Variants in CDH2 observed in about 807,000 individuals in gnomAD.
CDH2 encodes the protein cadherin 2.
In CDH2, 17 loss-of-function variants were observed where a neutral mutation model predicts 92.0. The ratio of observed to expected loss-of-function variants is 0.18; its 90% CI spans 0.13 to 0.28. The LOEUF is 0.28. Ranked by LOEUF, CDH2 falls within the 10% of genes least tolerant of loss-of-function variation. The pLI, the probability that CDH2 is intolerant of heterozygous loss-of-function variation, is 1.00. For synonymous variants in CDH2, 419 were observed against 415.9 expected (o/e 1.01, Z -0.09); for missense variants, 862 against 1,133.1 (o/e 0.76, Z 3.44).
chr18:27,980,898 A>C (rs1430669805), intron 14 of CDH2, among the ~76,000 whole-genome samples: 4 of 152,182 alleles, frequency 2.6e-5, no homozygotes, highest in African/African-American at 4.8e-5. Flanking sequence ...CAAATCTTAC[A>C]ATAGATGAGT....
At chr18:28,167,803 C>G (rs2016408343) in intron 1 of CDH2, among the ~76,000 whole-genome samples, 1 of 151,976 alleles carries the variant, frequency 6.6e-6, no homozygotes, top group Non-Finnish European at 1.5e-5. Flanking sequence ...TTTGAGTTCC[C>G]TAAAATATCA....
intron 1 of CDH2, among the ~76,000 whole-genome samples, chr18:28,176,390 G>A (rs55849882): frequency 0.03 from 4,614 of 152,124 alleles, 241 homozygotes; most frequent in African/African-American, 0.11. Context: ...TATTGTGAGG[G>A]CAAGAGAAGA....
rs775477675 is a variant in CDH2, at chr18:27,990,225, G to A, written c.1470C>T (p.Asp490=). The part of the protein sequence containing the change: ...STATVSVTVI[D]VNENPYFAPN... ...GGGCAAAATAAGGGTTTTCATTTAC[G>A]TCAATAACTGTAACAGACACGGTTG... The change falls in exon 10 of 16, where the codon GAC becomes GAT. Residue 490 remains aspartate, a synonymous_variant. Coordinates refer to ENST00000269141, the MANE Select transcript of CDH2 (RefSeq NM_001792.5). 8 of 1,613,942 alleles carry A rather than the reference G, an allele frequency of 5.0e-6. No individual in the cohort carries two copies. The highest frequency in any genetic ancestry group is 4.4e-5 in the South Asian group (4 of 91,072).
At position 28,177,086 on chromosome 18, in the gene CDH2, G is replaced by A. The variant is rs1041863592; in HGVS notation, c.-64C>T. ...GGCGGCGGCGGCGGCGGCGGCGGAG[G>A]AGGAGGAGGCAGCGGCAGCACCAAC... On this transcript the variant is annotated 5_prime_UTR_variant, in exon 1 of 16. Coordinates refer to ENST00000269141, the MANE Select transcript of CDH2 (RefSeq NM_001792.5). 2.7e-5 allele frequency: 35 copies of A among 1,290,982 alleles called. No homozygotes were observed. The highest frequency in any genetic ancestry group is 1.1e-4 in the East Asian group (4 of 34,894). 80.0% of individuals were successfully genotyped at this position (1,290,982 alleles called of 1,614,324 possible).
rs767260786 is a variant in CDH2 at position 28,147,728 on chromosome 18, ATCT to A, written c.114_116del (p.Glu38del). 1 of 1,613,264 alleles carries A rather than the reference ATCT, an allele frequency of 6.2e-7. No individual in the cohort carries two copies. Among genetic ancestry groups the A allele is most frequent in the Non-Finnish European group, 8.5e-7 (1 of 1,179,586 alleles). On this transcript the variant is annotated inframe_deletion, in exon 2 of 16. Transcript: ENST00000269141. Reference sequence around the variant, plus strand: ...CCTTCGATAAGACTGCACTGTAAACATCTTCAGGAAATCCAGTCTTGCATAATG... The same window carrying A: ...CCTTCGATAAGACTGCACTGTAAACATCAGGAAATCCAGTCTTGCATAATG...
chr18:28,009,661 T>C, intron 5 of CDH2, 56 bp downstream of exon 5: 1 of 1,530,492 alleles, frequency 6.5e-7, no homozygotes, highest in Non-Finnish European at 8.9e-7. Flanking sequence ...AATGGTAAAC[T>C]CTGCAGACAT....
chr18:28,129,884 CTTA>C, intron 2 of CDH2, among the ~76,000 whole-genome samples: 1 of 152,094 alleles, frequency 6.6e-6, no homozygotes, highest in East Asian at 1.9e-4. Flanking sequence ...ATAGATCTTT[CTTA>C]TTATTCATTT....
chr18:28,043,495 A>ATATCTATATATAT (rs1567976503), intron 2 of CDH2, among the ~76,000 whole-genome samples: 1 of 87,404 alleles, frequency 1.1e-5, no homozygotes, highest in Non-Finnish European at 2.3e-5. Flanking sequence ...TATATATATA[A>ATATCTATATATAT]ATATATATAT....
At chr18:28,157,189 C>T (rs1025497368) in intron 1 of CDH2, among the ~76,000 whole-genome samples, 3 of 152,150 alleles carry the variant, frequency 2.0e-5, no homozygotes, top group East Asian at 1.9e-4. Context: ...CCAATCATGG[C>T]TCAGATTGAT....
chr18:28,023,553 G>C (rs1441046141), intron 2 of CDH2, among the ~76,000 whole-genome samples: 2 of 152,036 alleles, frequency 1.3e-5, no homozygotes, highest in Non-Finnish European at 2.9e-5. Context: ...TCAAACTCCT[G>C]GGATCAAGTG....
intron 5 of CDH2, among the ~76,000 whole-genome samples, chr18:28,006,564 A>AAAAAAAC (rs1404762121): frequency 7.0e-6 from 1 of 142,876 alleles, no homozygotes; most frequent in East Asian, 2.0e-4. Flanking sequence ...CTAAAAATAC[A>AAAAAAAC]AAAAAAAAAA....
At chr18:28,090,655 G>A (rs568665431) in intron 2 of CDH2, among the ~76,000 whole-genome samples, 1 of 152,280 alleles carries the variant, frequency 6.6e-6, no homozygotes, top group South Asian at 2.1e-4. Flanking sequence ...CAGCAAACTG[G>A]TGGCAATGCT....
At chr18:28,075,946 G>A (rs1262658563) in intron 2 of CDH2, among the ~76,000 whole-genome samples, 1 of 152,176 alleles carries the variant, frequency 6.6e-6, no homozygotes, top group South Asian at 2.1e-4. Flanking sequence ...GGGTAAGTAA[G>A]AATTGAACAC....
intron 2 of CDH2, among the ~76,000 whole-genome samples, chr18:28,066,062 T>G (rs11564329): frequency 0.17 from 25,175 of 152,078 alleles, 2,371 homozygotes; most frequent in East Asian, 0.3. Flanking sequence ...ATTCAAGAGC[T>G]GGCCACATTC....
At position 28,088,752 on chromosome 18, in the gene CDH2, G is replaced by A. The variant is rs2014983299; in HGVS notation, c.172+58921C>T. On this transcript the variant is annotated intron_variant, in intron 2 of 15. Coordinates refer to ENST00000269141, the MANE Select transcript of CDH2 (RefSeq NM_001792.5). ...TCCCTGACAGCCACCTTCCCAGCAA[G>A]TCAAGTGTTGCTAAACTGGGGGCCT... Among the ~76,000 whole-genome samples the A allele has an allele frequency of 2.0e-5, 3 of 152,156 alleles. No individual in the cohort carries two copies. In the South Asian group the frequency reaches 6.2e-4, roughly 32 times the overall value.
chr18:27,958,621 G>A (rs1320723576), intron 15 of CDH2, among the ~76,000 whole-genome samples: 1 of 151,098 alleles, frequency 6.6e-6, no homozygotes, highest in African/African-American at 2.4e-5. Context: ...ATGTATATAT[G>A]TGTATATGTG....
At position 28,043,495 on chromosome 18, in the gene CDH2, A is replaced by ATATATATATAT. The variant is rs1567976503; in HGVS notation, c.173-29587_173-29586insATATATATATA. 3.2e-4 allele frequency among the ~76,000 whole-genome samples: 28 copies of ATATATATATAT among 87,344 alleles called. 1 individual carries two copies. The highest frequency in any genetic ancestry group is 4.8e-4 in the African/African-American group (10 of 20,688). The allele number at this position is 87,344 out of a possible 152,430, so 57.3% of individuals were successfully genotyped here. ...ATATATATATATATATATATATATA[A>ATATATATATAT]ATATATATATATATATATATAAACA... On this transcript the variant is annotated intron_variant, in intron 2 of 15. Transcript: ENST00000269141.
intron 2 of CDH2, among the ~76,000 whole-genome samples, chr18:28,057,217 C>T (rs574097929): frequency 7.4e-4 from 112 of 152,206 alleles, no homozygotes; most frequent in African/African-American, 2.5e-3. Context: ...GGTAAGAATT[C>T]TCAGAAATCT....
intron 4 of CDH2, 134 bp from the exon 5 acceptor site, chr18:28,010,006 C>T: frequency 1.8e-6 from 1 of 558,728 alleles, no homozygotes; most frequent in Non-Finnish European, 2.9e-6. Flanking sequence ...CACTGAAACT[C>T]TCCTAGTGCC....
Sources: gnomAD v4.1 joint callset for allele counts (sites outside exome capture counted in the v4.1 genomes callset) on GRCh38, gnomAD v4.1.1 for gene constraint, MANE v1.5 for transcripts, NCBI Gene and HGNC (gene_info 2026-07-23, HGNC 2026-07-21) for gene names.